PDE7B: variants seen among roughly 807,000 people sequenced by gnomAD.
PDE7B encodes the protein phosphodiesterase 7B.
In PDE7B, 29 loss-of-function variants were observed where a neutral mutation model predicts 56.2. The observed-to-expected ratio is 0.52, with a 90% CI of 0.38 to 0.70. The LOEUF is 0.70. Among genes scored for constraint, PDE7B ranks in the 30% least tolerant of loss-of-function variants. The probability of loss-of-function intolerance (pLI) is 0.00; values close to 1 mark genes in which losing one functional copy is unlikely to be tolerated. For missense variants in PDE7B, 490 were observed against 565.0 expected (o/e 0.87, Z 1.35); for synonymous variants, 197 against 196.9 (o/e 1.00, Z 0.00).
Position 136,195,561 on chromosome 6 carries a change from T to G in PDE7B, c.*3721T>G, listed in dbSNP as rs889167138. On this transcript the variant is annotated 3_prime_UTR_variant, in exon 13 of 13. Transcript: ENST00000308191. ...TGAACAAATAAAAATAAAGATAATT[T>G]CTTTAAAATATCACAAGATGAAAAT... 6.6e-6 allele frequency: 1 copy of G among 151,676 alleles called. No homozygotes were observed. Among genetic ancestry groups the G allele is most frequent in the Non-Finnish European group, 1.5e-5 (1 of 68,014 alleles). The allele number at this position is 151,676 out of a possible 1,614,324, so 9.4% of individuals were successfully genotyped here. A position where few individuals can be genotyped will look rare whatever the true frequency, so the allele number is the denominator to read the frequency against.
intron 2 of PDE7B, among the ~76,000 whole-genome samples, chr6:135,949,815 T>C (rs906654475): frequency 1.2e-4 from 19 of 152,138 alleles, no homozygotes; most frequent in African/African-American, 4.6e-4. Context: ...GAATAACAAG[T>C]ATACATTTTA....
At chr6:136,145,045 A>G (rs746769447) in intron 3 of PDE7B, among the ~76,000 whole-genome samples, 5 of 152,054 alleles carry the variant, frequency 3.3e-5, no homozygotes, top group Non-Finnish European at 5.9e-5. Context: ...ACTTTCATTT[A>G]ATAATTTTAG....
At chr6:136,140,192 T>TA (rs1562503204) in intron 3 of PDE7B, among the ~76,000 whole-genome samples, 1 of 152,214 alleles carries the variant, frequency 6.6e-6, no homozygotes, top group East Asian at 1.9e-4. Context: ...TACATATGGC[T>TA]AGCCAGTTTT....
chr6:136,084,108 C>T (rs1777249326), intron 2 of PDE7B, among the ~76,000 whole-genome samples: 2 of 152,120 alleles, frequency 1.3e-5, no homozygotes, highest in African/African-American at 4.8e-5. Flanking sequence ...TGTGTAAGGT[C>T]TATAGGAAAT....
At chr6:136,106,616 C>A (rs1777648676) in intron 2 of PDE7B, among the ~76,000 whole-genome samples, 1 of 152,188 alleles carries the variant, frequency 6.6e-6, no homozygotes, top group Non-Finnish European at 1.5e-5. Flanking sequence ...CCTTCACAAC[C>A]ATTCTTCTCT....
chr6:136,041,947 T>A (rs1029207865), intron 2 of PDE7B, among the ~76,000 whole-genome samples: 2 of 152,178 alleles, frequency 1.3e-5, no homozygotes, highest in African/African-American at 4.8e-5. Flanking sequence ...GGGTACATGC[T>A]GGGTAATAGA....
chr6:136,043,221 T>C (rs1179730139), intron 2 of PDE7B, among the ~76,000 whole-genome samples: 2 of 152,174 alleles, frequency 1.3e-5, no homozygotes, highest in Non-Finnish European at 2.9e-5. Flanking sequence ...ATTTAAAGCA[T>C]CTCTTAAATG....
Position 135,930,716 on chromosome 6 carries a change from C to G in PDE7B, c.22-16748C>G, listed in dbSNP as rs542404481. On this transcript the variant is annotated intron_variant, in intron 1 of 12. Coordinates refer to ENST00000308191, the MANE Select transcript of PDE7B (RefSeq NM_018945.4). ...TAGGATGCTGGGTTGTGCAGCTGAG[C>G]TGGAAAATAAGAATAATCAACAATG... 2.0e-5 allele frequency among the ~76,000 whole-genome samples: 3 copies of G among 152,232 alleles called. No homozygotes were observed. In the South Asian group the frequency reaches 6.2e-4, roughly 32 times the overall value.
At chr6:136,118,885 T>C (rs981142344) in intron 3 of PDE7B, among the ~76,000 whole-genome samples, 1 of 152,176 alleles carries the variant, frequency 6.6e-6, no homozygotes, top group Admixed American at 6.5e-5. Context: ...AGATTAAACA[T>C]CTAAAAAATC....
intron 6 of PDE7B, 100 bp downstream of exon 6, chr6:136,151,355 G>T: frequency 1.6e-6 from 1 of 640,086 alleles, no homozygotes; most frequent in Non-Finnish European, 2.8e-6. Flanking sequence ...GATGATAGAT[G>T]CATACCTCCA....
At chr6:135,956,002 G>T (rs760258818) in intron 2 of PDE7B, among the ~76,000 whole-genome samples, 1 of 152,102 alleles carries the variant, frequency 6.6e-6, no homozygotes, top group African/African-American at 2.4e-5. Context: ...AGTCAGTGGC[G>T]GTGGCGACAT....
chr6:135,974,334 A>ATG (rs1026526904), intron 2 of PDE7B, among the ~76,000 whole-genome samples: 13 of 152,034 alleles, frequency 8.6e-5, no homozygotes, highest in Admixed American at 8.5e-4. Context: ...GTGTGTGTAT[A>ATG]TATATATATG....
chr6:136,155,892 T>C (rs773574029), intron 8 of PDE7B, 134 bp downstream of exon 8: 6 of 964,676 alleles, frequency 6.2e-6, no homozygotes, highest in Admixed American at 2.0e-5. Context: ...AAACACAATC[T>C]CTGCCCTCAA....
chr6:136,175,104 T>C (rs1011996847), intron 9 of PDE7B, among the ~76,000 whole-genome samples: 2 of 152,210 alleles, frequency 1.3e-5, no homozygotes, highest in African/African-American at 4.8e-5. Context: ...GCATTCATCC[T>C]GTTTGTTACT....
chr6:135,979,583 A>G (rs1583808594), intron 2 of PDE7B, among the ~76,000 whole-genome samples: 1 of 152,124 alleles, frequency 6.6e-6, no homozygotes, highest in Non-Finnish European at 1.5e-5. Flanking sequence ...CAGAGATTCA[A>G]CTTCTTCCTG....
rs1375520664 is a variant in PDE7B, at chr6:135,979,226, C to T, written c.82+31702C>T. 4.6e-5 allele frequency among the ~76,000 whole-genome samples: 7 copies of T among 151,728 alleles called. No individual in the cohort carries two copies. In the East Asian group the frequency reaches 1.2e-3, roughly 25 times the overall value. Reference sequence around the variant, plus strand: ...CCAGCCTTGCATCCCAGGGATGAAGCCCACTTGATCATGGTGGATAAGCTT... The same window carrying T: ...CCAGCCTTGCATCCCAGGGATGAAGTCCACTTGATCATGGTGGATAAGCTT... On this transcript the variant is annotated intron_variant, in intron 2 of 12. Transcript: ENST00000308191.
rs1776336393 is a variant in PDE7B at position 136,037,111 on chromosome 6, TAATA to T, written c.83-71616_83-71613del. Reference sequence around the variant, plus strand: ...GGGACACAGTAGTCAGTGGCCCACATAATAAATCAACAGTGCTCTCCCTCCAGAA... The same window carrying T: ...GGGACACAGTAGTCAGTGGCCCACATAATCAACAGTGCTCTCCCTCCAGAA... On this transcript the variant is annotated intron_variant, in intron 2 of 12. Coordinates refer to ENST00000308191, the MANE Select transcript of PDE7B (RefSeq NM_018945.4). Among the ~76,000 whole-genome samples the T allele has an allele frequency of 2.6e-5, 4 of 152,334 alleles. 1 individual carries two copies. The highest frequency in any genetic ancestry group is 9.6e-5 in the African/African-American group (4 of 41,592).
At chr6:136,085,363 A>C (rs1319300765) in intron 2 of PDE7B, among the ~76,000 whole-genome samples, 2 of 152,222 alleles carry the variant, frequency 1.3e-5, no homozygotes, top group African/African-American at 4.8e-5. Flanking sequence ...CACATAGAAA[A>C]TGAGTCAGGA....
chr6:135,856,852 A>G lies in PDE7B; in HGVS notation c.21+4833A>G, dbSNP rs369009208. On this transcript the variant is annotated intron_variant, in intron 1 of 12. Transcript: ENST00000308191. The stretch of plus-strand genomic sequence containing the variant: ...GCTTAAATCCTTTCATGAATGGTTT[A>G]CATATTTATGTGTATACAGTATAGA... Among the ~76,000 whole-genome samples, 19 of 152,322 alleles carry G rather than the reference A, an allele frequency of 1.2e-4. No homozygotes were observed. In the South Asian group the frequency reaches 1.9e-3, roughly 15 times the overall value.
Sources: allele counts gnomAD v4.1 joint callset (sites outside exome capture counted in the v4.1 genomes callset), GRCh38; gene constraint gnomAD v4.1.1; transcripts MANE v1.5; gene names NCBI Gene and HGNC (gene_info 2026-07-23, HGNC 2026-07-21).